Variants in ELL observed in about 807,000 individuals in gnomAD.
The protein encoded by ELL is elongation factor for RNA polymerase II, also known as RNA polymerase II elongation factor ELL.
Under a neutral mutation model 64.0 loss-of-function variants are expected in ELL, and 18 were observed. The ratio of observed to expected loss-of-function variants is 0.28; its 90% CI spans 0.19 to 0.42. The LOEUF (loss-of-function observed/expected upper bound fraction) is 0.42. Among genes scored for constraint, ELL ranks in the 10% least tolerant of loss-of-function variants. The pLI is 1.00. For synonymous variants in ELL, 399 were observed against 376.2 expected (o/e 1.06, Z -0.70); for missense variants, 797 against 870.4 (o/e 0.92, Z 1.06).
In ELL at chr19:18,465,485, C is replaced by G. The variant is rs1461009458; in HGVS notation, c.396G>C (p.Gln132His). 4 of 1,613,224 alleles carry G rather than the reference C, an allele frequency of 2.5e-6. No individual in the cohort carries two copies. Among genetic ancestry groups the G allele is most frequent in the Non-Finnish European group, 3.4e-6 (4 of 1,179,384 alleles). ...ATDDSYQKAR[Q>H]SMAQAEEETR... is the part of the protein sequence containing the mutation. ...TCTCCTCCTCCGCCTGGGCCATGCT[C>G]TGCCGCGCCTTCTGGTAGGAGTCGT... The change falls in exon 4 of 12, where the codon CAG becomes CAC. Residue 132 changes from glutamine (Q) to histidine (H), a missense_variant. By Grantham distance (24) the Gln-to-His change is conservative (BLOSUM62 0). Transcript: ENST00000262809.
chr19:18,443,049 T>C lies in ELL; in HGVS notation c.*1703A>G, dbSNP rs1974327465. ...AAATTCAACTGACAGCCCCTTGGAC[T>C]GGTTCCCAGGGCAGAGGGGCGGGCA... On this transcript the variant is annotated 3_prime_UTR_variant, in exon 12 of 12. Transcript: ENST00000262809. 4.3e-6 allele frequency: 1 copy of C among 232,354 alleles called. No homozygotes were observed. The highest frequency in any genetic ancestry group is 1.8e-4 in the South Asian group (1 of 5,528). 14.4% of individuals were successfully genotyped at this position (232,354 alleles called of 1,614,324 possible). A position where few individuals can be genotyped will look rare whatever the true frequency, so the allele number is the denominator to read the frequency against.
At chr19:18,520,950 GA>G (rs1185970589) in intron 1 of ELL, among the ~76,000 whole-genome samples, 1 of 151,914 alleles carries the variant, frequency 6.6e-6, no homozygotes, top group Admixed American at 6.6e-5. Context: ...AAACAGAAAT[GA>G]AAAAGGCAGG....
intron 1 of ELL, among the ~76,000 whole-genome samples, chr19:18,520,613 G>T (rs1368674400): frequency 1.3e-5 from 2 of 152,044 alleles, no homozygotes; most frequent in Admixed American, 6.6e-5. Context: ...GAAACAGGGG[G>T]AAGAAATTCT....
chr19:18,482,349 G>A (rs150964214), intron 1 of ELL, among the ~76,000 whole-genome samples: 51 of 103,088 alleles, frequency 4.9e-4, no homozygotes, highest in East Asian at 3.4e-3. Flanking sequence ...ACAGGGTCTC[G>A]CCCTGTCACC....
chr19:18,518,679 T>C (rs1976183993), intron 1 of ELL, among the ~76,000 whole-genome samples: 1 of 150,870 alleles, frequency 6.6e-6, no homozygotes, highest in South Asian at 2.1e-4. Flanking sequence ...TAATCCCAGC[T>C]ACTTGGTAGG....
chr19:18,497,708 C>A (rs4808133), intron 1 of ELL, among the ~76,000 whole-genome samples: 69,531 of 150,686 alleles, frequency 0.46, 18,457 homozygotes, highest in African/African-American at 0.75. Flanking sequence ...TCCCAGCTAC[C>A]CGGGAGGCTG....
chr19:18,497,060 G>A (rs750465878), intron 1 of ELL, among the ~76,000 whole-genome samples: 4 of 152,198 alleles, frequency 2.6e-5, no homozygotes, highest in Non-Finnish European at 4.4e-5. Flanking sequence ...CAGAGGCACT[G>A]GAAACGTGCG....
Position 18,461,654 on chromosome 19 carries a change from G to A in ELL, c.668C>T (p.Ala223Val). The part of the protein sequence containing the change: ...HLLALRPYRK[A>V]ELLLRLQKDG... ...CTTCTGCAGTCGCAGCAGCAGCTCA[G>A]CCTTGCGGTAGGGCCGTAGTGCCAG... is the stretch of plus-strand genomic sequence containing the variant. Residue 223 changes from alanine to valine, a missense_variant, in exon 5 of 12, where the codon GCT (alanine) becomes GTT (valine). By Grantham distance (64) the Ala-to-Val change is moderately conservative. Transcript: ENST00000262809. 6.2e-7 allele frequency: 1 copy of A among 1,612,658 alleles called. No individual in the cohort carries two copies. Among genetic ancestry groups the A allele is most frequent in the Non-Finnish European group, 8.5e-7 (1 of 1,179,994 alleles).
chr19:18,516,291 C>T (rs1246626419), intron 1 of ELL, among the ~76,000 whole-genome samples: 3 of 152,162 alleles, frequency 2.0e-5, no homozygotes, highest in African/African-American at 4.8e-5. Context: ...CACAGCACCC[C>T]TCTACCTCCA....
intron 1 of ELL, among the ~76,000 whole-genome samples, chr19:18,482,453 T>C (rs939082708): frequency 6.6e-6 from 1 of 151,296 alleles, no homozygotes; most frequent in African/African-American, 2.4e-5. Flanking sequence ...CCTCTGCCTC[T>C]GCCTCCCAAG....
chr19:18,468,741 C>T (rs1975003447), intron 2 of ELL, among the ~76,000 whole-genome samples: 1 of 152,254 alleles, frequency 6.6e-6, no homozygotes, highest in Non-Finnish European at 1.5e-5. Flanking sequence ...AAGGGCTGGG[C>T]ACCCTCACGT....
intron 1 of ELL, among the ~76,000 whole-genome samples, chr19:18,510,327 C>T (rs1975989899): frequency 6.6e-6 from 1 of 152,230 alleles, no homozygotes; most frequent in South Asian, 2.1e-4. Context: ...CCAAGAATCA[C>T]ACCACTGCAC....
intron 2 of ELL, among the ~76,000 whole-genome samples, chr19:18,466,790 T>C (rs938344279): frequency 2.0e-5 from 3 of 152,198 alleles, no homozygotes; most frequent in Admixed American, 6.5e-5. Flanking sequence ...GGCGCTCAAA[T>C]AGTCCACAAG....
chr19:18,468,535 A>G (rs547456086), intron 2 of ELL, among the ~76,000 whole-genome samples: 4 of 152,350 alleles, frequency 2.6e-5, no homozygotes, highest in African/African-American at 7.2e-5. Flanking sequence ...TGCACAGGTG[A>G]CATGGTGACC....
chr19:18,482,308 C>CTTTTTTTTTTTTTTTTTTTTTTTTTTTT (rs530594631), intron 1 of ELL, among the ~76,000 whole-genome samples: 1 of 77,578 alleles, frequency 1.3e-5, no homozygotes, highest in African/African-American at 6.5e-5. Context: ...CTTTTCATTC[C>CTTTTTTTTTTTTTTTTTTTTTTTTTTTT]TTTTTTTTTT....
chr19:18,518,828 A>G (rs375407817), intron 1 of ELL, among the ~76,000 whole-genome samples: 3 of 151,850 alleles, frequency 2.0e-5, no homozygotes, highest in East Asian at 3.9e-4. Context: ...ACAAAGTCCA[A>G]GGTAGAGTGA....
chr19:18,472,886 TAAAAAAAAAAAAA>T lies in ELL; in HGVS notation c.136-17_136-5del. ...ATGGCCTCAGTGAAACAGAATCCTA[TAAAAAAAAAAAAA>T]AAAAAAAAAAGGTGAGGGGAACATC... On this transcript the variant is annotated splice_region_variant and splice_polypyrimidine_tract_variant and intron_variant, in intron 1 of 11. Coordinates refer to ENST00000262809, the MANE Select transcript of ELL (RefSeq NM_006532.4). The T allele has an allele frequency of 8.2e-7, 1 of 1,213,070 alleles. No homozygotes were observed. The highest frequency in any genetic ancestry group is 1.0e-6 in the Non-Finnish European group (1 of 961,856). 75.1% of individuals were successfully genotyped at this position (1,213,070 alleles called of 1,614,324 possible).
chr19:18,502,272 T>C (rs1047800751), intron 1 of ELL, among the ~76,000 whole-genome samples: 2 of 152,022 alleles, frequency 1.3e-5, no homozygotes, highest in Non-Finnish European at 2.9e-5. Context: ...ATGACCACCC[T>C]AGGGTGGACC....
chr19:18,463,082 T>C (rs1026968870), intron 4 of ELL, among the ~76,000 whole-genome samples: 3 of 152,156 alleles, frequency 2.0e-5, no homozygotes, highest in Admixed American at 1.3e-4. Flanking sequence ...CCTCAAATCC[T>C]TCCCCCAAAA....
Sources: gnomAD v4.1 joint callset for allele counts (sites outside exome capture counted in the v4.1 genomes callset) on GRCh38, gnomAD v4.1.1 for gene constraint, MANE v1.5 for transcripts, NCBI Gene and HGNC (gene_info 2026-07-23, HGNC 2026-07-21) for gene names.